DOCK11: variants seen among roughly 807,000 people sequenced by gnomAD.
DOCK11 encodes dedicator of cytokinesis 11, also known as dedicator of cytokinesis protein 11.
DOCK11 carries 70 observed loss-of-function variants against 169.1 expected under a neutral mutation model. The observed-to-expected ratio is 0.41, with a 90% CI of 0.34 to 0.51. The LOEUF is 0.51. DOCK11 is among the 20% of genes least tolerant of loss of function. The pLI, the probability that DOCK11 is intolerant of heterozygous loss-of-function variation, is 0.10. For synonymous variants in DOCK11, 529 were observed against 541.3 expected, an observed-to-expected ratio of 0.98 and a Z score of 0.32; for missense variants, 1,166 against 1,538.8, an observed-to-expected ratio of 0.76 and a Z score of 4.05.
intron 50 of DOCK11, 100 bp downstream of exon 50, chrX:118,681,348 T>C: frequency 1.2e-6 from 1 of 802,128 alleles, no homozygotes; most frequent in Non-Finnish European, 1.7e-6. Flanking sequence ...TGTTGGGCAC[T>C]TACTGAGTGC....
At chrX:118,612,071 T>G (rs1247290750) in intron 28 of DOCK11, among the ~76,000 whole-genome samples, 1 of 112,257 alleles carries the variant, frequency 8.9e-6, no homozygotes, top group African/African-American at 3.2e-5. Context: ...GGGTTGCAAA[T>G]GCACCTAGTT....
intron 44 of DOCK11, among the ~76,000 whole-genome samples, chrX:118,662,432 T>A (rs1042576086): frequency 1.8e-5 from 2 of 112,363 alleles, no homozygotes; most frequent in African/African-American, 6.5e-5. Context: ...TCCTAGCCAT[T>A]GAAGATGATA....
intron 31 of DOCK11, among the ~76,000 whole-genome samples, chrX:118,619,206 G>A: frequency 9.2e-6 from 1 of 108,403 alleles, no homozygotes. Context: ...GGGAGCAGTG[G>A]CTCACACCTG....
chrX:118,562,388 C>G (rs976584659), intron 7 of DOCK11, among the ~76,000 whole-genome samples: 2 of 111,202 alleles, frequency 1.8e-5, no homozygotes, highest in African/African-American at 3.3e-5. Flanking sequence ...CTCCAGTTCT[C>G]CCTTTTATCA....
At chrX:118,623,683 C>T (rs1367010603) in intron 31 of DOCK11, among the ~76,000 whole-genome samples, 2 of 113,020 alleles carry the variant, frequency 1.8e-5, no homozygotes, top group Non-Finnish European at 3.7e-5. Flanking sequence ...ACAAATTGTT[C>T]AACCTCAATA....
intron 25 of DOCK11, 22 bp from the exon 26 acceptor site, chrX:118,608,209 T>C (rs1207595005): frequency 8.4e-7 from 1 of 1,193,123 alleles, no homozygotes; most frequent in East Asian, 3.0e-5. Context: ...CAGTTCATTT[T>C]TTTTTGTTTG....
chrX:118,527,146 A>T (rs994178535), intron 1 of DOCK11, among the ~76,000 whole-genome samples: 2 of 112,279 alleles, frequency 1.8e-5, no homozygotes, highest in African/African-American at 6.5e-5. Flanking sequence ...ATATACTTTT[A>T]TCATTAGATG....
intron 36 of DOCK11, among the ~76,000 whole-genome samples, chrX:118,637,270 C>G (rs1008029986): frequency 9.0e-6 from 1 of 110,687 alleles, no homozygotes; most frequent in Non-Finnish European, 1.9e-5. Context: ...GGGCAGAGGT[C>G]AAACAAGAAT....
intron 4 of DOCK11, among the ~76,000 whole-genome samples, chrX:118,543,962 C>A (rs1279614977): frequency 1.8e-5 from 2 of 111,967 alleles, no homozygotes; most frequent in African/African-American, 6.5e-5. Context: ...AACAAACAAA[C>A]ACCACTTGTG....
chrX:118,672,125 A>G (rs897384382), intron 46 of DOCK11, among the ~76,000 whole-genome samples: 5 of 112,460 alleles, frequency 4.4e-5, no homozygotes, highest in African/African-American at 9.7e-5. Flanking sequence ...ATTCTTTATA[A>G]TTTAGCGGAG....
intron 6 of DOCK11, among the ~76,000 whole-genome samples, chrX:118,551,472 G>C (rs1296499366): frequency 8.9e-6 from 1 of 112,286 alleles, no homozygotes; most frequent in Non-Finnish European, 1.9e-5. Context: ...GCCAAGGCAG[G>C]AAGATGGCTT....
Position 118,681,040 on chromosome X carries a change from A to G in DOCK11, c.5672-18A>G, listed in dbSNP as rs747730078. ...ATGATTTTCTAAAGTCAGTAAATCA[A>G]TCTTAACATTTTAATAGCTTCAAAC... On this transcript the variant is annotated intron_variant, in intron 49 of 52. Transcript: ENST00000276202. 7.1e-6 allele frequency: 8 copies of G among 1,133,162 alleles called. No individual in the cohort carries two copies. Among genetic ancestry groups the G allele is most frequent in the African/African-American group, 3.7e-5 (2 of 54,372 alleles). 93.4% of individuals were successfully genotyped at this position (1,133,162 alleles called of 1,213,427 possible). A position where few individuals can be genotyped will look rare whatever the true frequency, so the allele number is the denominator to read the frequency against.
At chrX:118,652,344 A>G (rs1310908850) in intron 42 of DOCK11, among the ~76,000 whole-genome samples, 2 of 108,995 alleles carry the variant, frequency 1.8e-5, no homozygotes, top group African/African-American at 3.3e-5. Flanking sequence ...TCGAATCTGA[A>G]TTTTTTTTTT....
chrX:118,561,608 C>G (rs1466691925), intron 7 of DOCK11, 91 bp downstream of exon 7: 1 of 927,747 alleles, frequency 1.1e-6, no homozygotes, highest in African/African-American at 2.0e-5. Flanking sequence ...GTGGCTTATG[C>G]CTGTAATCCC....
intron 1 of DOCK11, among the ~76,000 whole-genome samples, chrX:118,529,318 G>A (rs926166170): frequency 8.9e-6 from 1 of 111,976 alleles, no homozygotes; most frequent in Non-Finnish European, 1.9e-5. Flanking sequence ...ATTTCTTCGT[G>A]GGGTGCCTTG....
chrX:118,643,507 T>G lies in DOCK11; in HGVS notation c.4311T>G (p.Phe1437Leu). The G allele has an allele frequency of 8.3e-7, 1 of 1,210,155 alleles. No individual in the cohort carries two copies. The highest frequency in any genetic ancestry group is 1.1e-6 in the Non-Finnish European group (1 of 894,175). Residue 1437 changes from phenylalanine to leucine, a missense_variant, in exon 40 of 53, where the codon TTT becomes TTG. Phe to Leu is a conservative substitution (Grantham distance 22). Coordinates refer to ENST00000276202, the MANE Select transcript of DOCK11 (RefSeq NM_144658.4). ...ATAACCCATTAATGAAAAAAGTGTT[T>G]GATATACATCTTGCTTTTCTTAAAA... ...DGHNPLMKKV[F>L]DIHLAFLKNG...
At chrX:118,516,632 G>A (rs1363718063) in intron 1 of DOCK11, among the ~76,000 whole-genome samples, 5 of 107,220 alleles carry the variant, frequency 4.7e-5, no homozygotes, top group African/African-American at 1.4e-4. Context: ...ATGGGGTTTC[G>A]CCATGTTGGC....
At chrX:118,670,958 A>G (rs2016454949) in intron 45 of DOCK11, 65 bp from the exon 46 acceptor site, 5 of 1,077,690 alleles carry the variant, frequency 4.6e-6, no homozygotes, top group Admixed American at 5.8e-5. Context: ...AAATGCTTCA[A>G]AATTTATTTG....
intron 1 of DOCK11, chrX:118,538,726 G>A: frequency 1.4e-6 from 1 of 731,101 alleles, no homozygotes; most frequent in Non-Finnish European, 1.6e-6. Context: ...GGTTTTTGGA[G>A]TTATGAAAAA....
Sources: gnomAD v4.1 joint callset for allele counts (sites outside exome capture counted in the v4.1 genomes callset) on GRCh38, gnomAD v4.1.1 for gene constraint, MANE v1.5 for transcripts, NCBI Gene and HGNC (gene_info 2026-07-23, HGNC 2026-07-21) for gene names.